The following TTYH3 variants were observed in gnomAD, a reference collection of about 807,000 sequenced individuals.
The protein encoded by TTYH3 is tweety family member 3.
Under a neutral mutation model 68.2 loss-of-function variants are expected in TTYH3, and 23 were observed. The ratio of observed to expected loss-of-function variants is 0.34; its 90% CI spans 0.24 to 0.48. The LOEUF is 0.48. TTYH3 is among the 20% of genes least tolerant of loss of function. The probability of loss-of-function intolerance (pLI) is 0.99; values close to 1 mark genes in which losing one functional copy is unlikely to be tolerated. For missense variants in TTYH3, 768 were observed against 727.7 expected (o/e 1.06, Z -0.64); for synonymous variants, 360 against 332.8 (o/e 1.08, Z -0.89).
chr7:2,660,560 G>T (rs1380435353), intron 13 of TTYH3: 1 of 688,836 alleles, frequency 1.5e-6, no homozygotes, highest in African/African-American at 2.2e-5. Flanking sequence ...GTCCAGTCCC[G>T]CCCCGTCCCG....
chr7:2,654,149 C>T (rs1786268810), intron 9 of TTYH3, among the ~76,000 whole-genome samples: 1 of 152,212 alleles, frequency 6.6e-6, no homozygotes, highest in South Asian at 2.1e-4. Context: ...CATCTCAGCA[C>T]TCTGGGGGGC....
At chr7:2,634,402 C>T (rs1785604506) in intron 1 of TTYH3, among the ~76,000 whole-genome samples, 2 of 152,044 alleles carry the variant, frequency 1.3e-5, no homozygotes, top group African/African-American at 2.4e-5. Flanking sequence ...CTGTGGCAGG[C>T]GCCCCTTCCT....
intron 13 of TTYH3, chr7:2,659,920 C>A: frequency 7.7e-7 from 1 of 1,300,460 alleles, no homozygotes; most frequent in Non-Finnish European, 1.0e-6. Flanking sequence ...TTGCACCCCA[C>A]CCACCCCGGG....
chr7:2,662,738 C>A lies in TTYH3; in HGVS notation c.*999C>A. 6.5e-6 allele frequency: 1 copy of A among 152,954 alleles called. No homozygotes were observed. The highest frequency in any genetic ancestry group is 1.5e-5 in the Non-Finnish European group (1 of 68,200). 9.5% of individuals were successfully genotyped at this position (152,954 alleles called of 1,614,324 possible). ...CCCCCTTGGGACTAACCACTAACCTCACCCCCAAACTCCACGGGTGCCCCT... is the reference window on the plus strand; with the variant it reads ...CCCCCTTGGGACTAACCACTAACCTAACCCCCAAACTCCACGGGTGCCCCT... On this transcript the variant is annotated 3_prime_UTR_variant, in exon 14 of 14. Transcript: ENST00000258796.
intron 5 of TTYH3, among the ~76,000 whole-genome samples, chr7:2,649,148 C>G (rs1356818059): frequency 6.6e-6 from 1 of 152,066 alleles, no homozygotes; most frequent in Non-Finnish European, 1.5e-5. Flanking sequence ...AGCAAGAGCT[C>G]TGAGTCCCCA....
At chr7:2,649,765 C>T (rs1786110607) in intron 6 of TTYH3, 126 bp downstream of exon 6, 14 of 1,422,102 alleles carry the variant, frequency 9.8e-6, no homozygotes, top group Non-Finnish European at 1.4e-5. Context: ...GGTGGGGACC[C>T]ACCATGGGCA....
rs922921724 is a variant in TTYH3 at position 2,631,989 on chromosome 7, G to C, written c.-167G>C. 5.5e-4 allele frequency: 231 copies of C among 416,826 alleles called. No homozygotes were observed. The highest frequency in any genetic ancestry group is 7.0e-4 in the Non-Finnish European group (218 of 310,032). 25.8% of individuals were successfully genotyped at this position (416,826 alleles called of 1,614,324 possible). On this transcript the variant is annotated 5_prime_UTR_variant, in exon 1 of 14. Coordinates refer to ENST00000258796, the MANE Select transcript of TTYH3 (RefSeq NM_025250.3). ...GGCGGCGGGCGCGGGCGGCCGAGCG[G>C]AGCCGAGCGCAGCCGAGCCGGGCCG...
intron 1 of TTYH3, among the ~76,000 whole-genome samples, chr7:2,641,054 G>C (rs1296925726): frequency 2.0e-5 from 3 of 152,222 alleles, no homozygotes; most frequent in Non-Finnish European, 4.4e-5. Flanking sequence ...TCCAGGCCCA[G>C]GGACAGCATA....
chr7:2,632,204 C>T lies in TTYH3; in HGVS notation c.49C>T (p.Arg17Trp), dbSNP rs773445193. ...AAPWWVSLLH[R>W]LPHFDLSWEA... ...GCCCTGGTGGGTGAGCCTCCTGCAC[C>T]GGCTGCCCCACTTCGACCTGAGCTG... The change falls in exon 1 of 14, where the codon CGG (arginine) becomes TGG (tryptophan). Residue 17 changes from arginine (R) to tryptophan (W), a missense_variant. Physicochemically the swap from Arg to Trp is moderately radical, Grantham distance 101. Transcript: ENST00000258796. 1.9e-5 allele frequency: 29 copies of T among 1,562,426 alleles called. No individual in the cohort carries two copies. Among genetic ancestry groups the T allele is most frequent in the East Asian group, 4.8e-5 (2 of 41,732 alleles).
chr7:2,642,627 C>G (rs1785878726), intron 1 of TTYH3, among the ~76,000 whole-genome samples: 1 of 151,220 alleles, frequency 6.6e-6, no homozygotes, highest in Non-Finnish European at 1.5e-5. Context: ...ACTTGAGAGG[C>G]TGAGGCAGGA....
chr7:2,652,935 C>T lies in TTYH3; in HGVS notation c.945C>T (p.His315=). The change falls in exon 9 of 14, where the codon CAC becomes CAT. Residue 315 remains histidine (H), a synonymous_variant. Coordinates refer to ENST00000258796, the MANE Select transcript of TTYH3 (RefSeq NM_025250.3). ...TGGAGCAGAAGCTGTCGGGCAGCCA[C>T]AAGGCACTGGTGGAGATGCAGGATG... ...NPFQQKLSGS[H]KALVEMQDVV... is the part of the protein sequence containing the mutation. The T allele has an allele frequency of 6.4e-7, 1 of 1,572,798 alleles. No individual in the cohort carries two copies. The highest frequency in any genetic ancestry group is 8.6e-7 in the Non-Finnish European group (1 of 1,159,086).
At chr7:2,660,149 G>A (rs531874134) in intron 13 of TTYH3, 56 of 1,188,520 alleles carry the variant, frequency 4.7e-5, no homozygotes, top group South Asian at 6.2e-5. Context: ...GGCTCCATCT[G>A]TCCGGCTCCT....
At chr7:2,652,868 G>A (rs112573916) in intron 8 of TTYH3, 50 bp from the exon 9 acceptor site, 2 of 1,440,864 alleles carry the variant, frequency 1.4e-6, no homozygotes, top group African/African-American at 2.8e-5. Flanking sequence ...GGGAGGGAGA[G>A]GCGGGCGGAC....
At chr7:2,656,653 TC>T in intron 11 of TTYH3, 119 bp downstream of exon 11, 1 of 1,261,772 alleles carries the variant, frequency 7.9e-7, no homozygotes, top group Non-Finnish European at 1.1e-6. Flanking sequence ...GACAGACACC[TC>T]CTCACCTCGT....
chr7:2,649,719 C>T, intron 6 of TTYH3, 80 bp downstream of exon 6: 15 of 1,517,894 alleles, frequency 9.9e-6, no homozygotes, highest in Non-Finnish European at 1.3e-5. Context: ...ACACTCCTCT[C>T]CCCTCCCATC....
chr7:2,636,052 T>C (rs573710139), intron 1 of TTYH3, among the ~76,000 whole-genome samples: 1 of 152,324 alleles, frequency 6.6e-6, no homozygotes, highest in African/African-American at 2.4e-5. Context: ...CAGCCCAGGC[T>C]GGATGGCCAC....
At chr7:2,655,407 A>T (rs907406505) in intron 9 of TTYH3, among the ~76,000 whole-genome samples, 1 of 152,188 alleles carries the variant, frequency 6.6e-6, no homozygotes, top group Non-Finnish European at 1.5e-5. Flanking sequence ...TGGCCTCCCA[A>T]AGCGCTGGGA....
chr7:2,656,674 T>C, intron 11 of TTYH3, 140 bp downstream of exon 11: 1 of 1,016,382 alleles, frequency 9.8e-7, no homozygotes, highest in Non-Finnish European at 1.4e-6. Context: ...TGACCCTCCC[T>C]AGGCCTCTCT....
intron 1 of TTYH3, among the ~76,000 whole-genome samples, chr7:2,643,479 C>T (rs1785906411): frequency 6.6e-6 from 1 of 152,220 alleles, no homozygotes; most frequent in Admixed American, 6.5e-5. Flanking sequence ...ATGCTGAGTG[C>T]CTGTGTTCCC....
Sources: allele counts gnomAD v4.1 joint callset (sites outside exome capture counted in the v4.1 genomes callset), GRCh38; gene constraint gnomAD v4.1.1; transcripts MANE v1.5; gene names NCBI Gene and HGNC (gene_info 2026-07-23, HGNC 2026-07-21).